LRP1B: variants seen among roughly 807,000 people sequenced by gnomAD.
LRP1B encodes the protein low-density lipoprotein receptor-related protein 1B.
LRP1B carries 217 observed loss-of-function variants against 556.6 expected under a neutral mutation model. The ratio of observed to expected loss-of-function variants is 0.39; its 90% confidence interval spans 0.35 to 0.44. LRP1B has a LOEUF of 0.44. LRP1B is among the 20% of genes least tolerant of loss of function. The pLI is 1.00. For synonymous variants in LRP1B, 2,047 were observed against 1,865.8 expected (o/e 1.10, Z -2.50); for missense variants, 5,053 against 5,620.8 (o/e 0.90, Z 3.23).
At chr2:141,518,243 G>A (rs1410411215) in intron 2 of LRP1B, among the ~76,000 whole-genome samples, 1 of 152,168 alleles carries the variant, frequency 6.6e-6, no homozygotes, top group Non-Finnish European at 1.5e-5. Flanking sequence ...TCCTCAGACA[G>A]GCCCAAAAGT....
chr2:141,627,213 G>T (rs1325852313), intron 2 of LRP1B, among the ~76,000 whole-genome samples: 2 of 152,196 alleles, frequency 1.3e-5, no homozygotes, highest in Non-Finnish European at 2.9e-5. Flanking sequence ...ACATACTGTT[G>T]ATTCCAGCTA....
intron 3 of LRP1B, among the ~76,000 whole-genome samples, chr2:141,455,102 T>C (rs1681579989): frequency 6.6e-6 from 1 of 152,158 alleles, no homozygotes; most frequent in South Asian, 2.1e-4. Context: ...CAAACATGAA[T>C]TTAAACTGTC....
At position 140,334,940 on chromosome 2, in the gene LRP1B, A is replaced by AT. The variant is rs796622703; in HGVS notation, c.12117-382dup. 1.5e-3 allele frequency among the ~76,000 whole-genome samples: 223 copies of AT among 151,824 alleles called. 2 individuals are homozygous for AT. Among genetic ancestry groups the AT allele is most frequent in the African/African-American group, 4.9e-3 (203 of 41,452 alleles). On this transcript the variant is annotated intron_variant, in intron 78 of 90. Transcript: ENST00000389484. ...ATTATGGATGCTGTATGAACACGCT[A>AT]TTTTTTTTATAGAGAAGTAACTATT...
chr2:140,693,483 A>G (rs1335820719), intron 41 of LRP1B, among the ~76,000 whole-genome samples: 1 of 152,000 alleles, frequency 6.6e-6, no homozygotes. Flanking sequence ...ACACTGAGAC[A>G]TTTTGGCATT....
chr2:141,264,537 C>T (rs539389681), intron 3 of LRP1B, among the ~76,000 whole-genome samples: 1 of 152,236 alleles, frequency 6.6e-6, no homozygotes, highest in Admixed American at 6.5e-5. Context: ...CTCACTGCAA[C>T]CTTGTCTCCC....
At chr2:141,686,004 A>T (rs181856565) in intron 2 of LRP1B, among the ~76,000 whole-genome samples, 3 of 152,196 alleles carry the variant, frequency 2.0e-5, no homozygotes, top group African/African-American at 7.2e-5. Context: ...TTTCATATGG[A>T]AAACAAATGT....
chr2:141,508,983 A>G (rs572248580), intron 2 of LRP1B, among the ~76,000 whole-genome samples: 32 of 152,284 alleles, frequency 2.1e-4, no homozygotes, highest in African/African-American at 7.0e-4. Context: ...GACACAGAGC[A>G]TATTTACTGA....
chr2:141,586,470 T>C (rs1023345528), intron 2 of LRP1B, among the ~76,000 whole-genome samples: 1 of 152,188 alleles, frequency 6.6e-6, no homozygotes. Context: ...TTGAAATACA[T>C]CTAAGGCATT....
chr2:140,589,307 C>A (rs1682121472), intron 43 of LRP1B, among the ~76,000 whole-genome samples: 1 of 152,006 alleles, frequency 6.6e-6, no homozygotes, highest in African/African-American at 2.4e-5. Context: ...AAAAAAGTAT[C>A]ATCTAGAATA....
chr2:141,037,705 T>C (rs975770636), intron 11 of LRP1B, among the ~76,000 whole-genome samples: 10 of 151,906 alleles, frequency 6.6e-5, no homozygotes, highest in African/African-American at 2.4e-4. Flanking sequence ...TGCAACAAGG[T>C]TGTCCAGCTG....
At chr2:141,561,805 A>G (rs1686162897) in intron 2 of LRP1B, among the ~76,000 whole-genome samples, 1 of 151,334 alleles carries the variant, frequency 6.6e-6, no homozygotes, top group Non-Finnish European at 1.5e-5. Context: ...TGTCTTATCT[A>G]GAATTTTAGG....
intron 2 of LRP1B, among the ~76,000 whole-genome samples, chr2:141,777,605 G>T (rs1275505077): frequency 6.6e-6 from 1 of 152,004 alleles, no homozygotes; most frequent in African/African-American, 2.4e-5. Flanking sequence ...AGTAGAGACG[G>T]AGTTTCACCA....
intron 2 of LRP1B, among the ~76,000 whole-genome samples, chr2:141,541,299 T>C (rs1455100742): frequency 2.0e-5 from 3 of 152,028 alleles, no homozygotes; most frequent in Non-Finnish European, 4.4e-5. Context: ...AGACATGAGA[T>C]CAGATTTATG....
At chr2:141,195,835 G>A (rs1351417084) in intron 6 of LRP1B, among the ~76,000 whole-genome samples, 1 of 152,098 alleles carries the variant, frequency 6.6e-6, no homozygotes, top group African/African-American at 2.4e-5. Flanking sequence ...GATAGGACTA[G>A]TGTTATGAAG....
At chr2:140,731,792 A>G (rs543592842) in intron 35 of LRP1B, among the ~76,000 whole-genome samples, 8 of 147,088 alleles carry the variant, frequency 5.4e-5, no homozygotes, top group Non-Finnish European at 1.2e-4. Flanking sequence ...AAAAAAAAAG[A>G]AGCAGCAACA....
intron 2 of LRP1B, among the ~76,000 whole-genome samples, chr2:141,654,208 C>T (rs150208191): frequency 0.017 from 2,572 of 152,228 alleles, 38 homozygotes; most frequent in Middle Eastern, 0.027. Context: ...GTAAATACGT[C>T]GAAATATTTG....
At chr2:142,022,181 T>C (rs1457392365) in intron 1 of LRP1B, among the ~76,000 whole-genome samples, 1 of 151,214 alleles carries the variant, frequency 6.6e-6, no homozygotes, top group South Asian at 2.2e-4. Context: ...TGGCCAATCC[T>C]AGACCAATTA....
At chr2:142,027,717 C>T (rs1703558503) in intron 1 of LRP1B, among the ~76,000 whole-genome samples, 1 of 143,568 alleles carries the variant, frequency 7.0e-6, no homozygotes, top group Non-Finnish European at 1.5e-5. Context: ...GTAACGTGCC[C>T]AAGACTACAT....
intron 43 of LRP1B, among the ~76,000 whole-genome samples, chr2:140,583,537 C>G (rs540593425): frequency 4.0e-5 from 6 of 151,890 alleles, no homozygotes; most frequent in Admixed American, 3.9e-4. Context: ...TACGTCTTTA[C>G]TTATATTATT....
Sources: allele counts gnomAD v4.1 joint callset (sites outside exome capture counted in the v4.1 genomes callset), GRCh38; gene constraint gnomAD v4.1.1; transcripts MANE v1.5; gene names NCBI Gene and HGNC (gene_info 2026-07-23, HGNC 2026-07-21).